Variants in GTF3C4 observed in about 807,000 individuals in gnomAD.
The protein encoded by GTF3C4 is general transcription factor IIIC subunit 4, also known as general transcription factor 3C polypeptide 4.
A neutral mutation model predicts 67.5 loss-of-function variants in GTF3C4; 28 were observed. The observed-to-expected ratio is 0.41, with a 90% CI of 0.31 to 0.57. The LOEUF (loss-of-function observed/expected upper bound fraction) is 0.57. GTF3C4 is among the 20% of genes least tolerant of loss of function. The pLI is 0.21. For synonymous variants in GTF3C4, 409 were observed against 393.0 expected, an observed-to-expected ratio of 1.04 and a Z score of -0.48; for missense variants, 831 against 1,033.2, an observed-to-expected ratio of 0.80 and a Z score of 2.68.
chr9:132,670,179 A>G, upstream of GTF3C4: 1 of 1,591,812 alleles, frequency 6.3e-7, no homozygotes, highest in Non-Finnish European at 8.6e-7. Flanking sequence ...GCCTGGCAAA[A>G]TTACATTCGG....
intron 2 of GTF3C4, among the ~76,000 whole-genome samples, chr9:132,680,980 C>T (rs527722393): frequency 4.5e-4 from 69 of 152,184 alleles, no homozygotes; most frequent in African/African-American, 1.5e-3. Context: ...TGGTGGCGGG[C>T]GCCTGTAATC....
In GTF3C4 at chr9:132,678,170, C is replaced by T; in HGVS notation, c.551C>T (p.Ala184Val). The T allele has an allele frequency of 6.2e-7, 1 of 1,614,218 alleles. No homozygotes were observed. Among genetic ancestry groups the T allele is most frequent in the Non-Finnish European group, 8.5e-7 (1 of 1,180,030 alleles). The change falls in exon 2 of 5, where the codon GCA (alanine) becomes GTA (valine). Residue 184 changes from alanine (A) to valine (V), a missense_variant. Ala to Val is a moderately conservative substitution (Grantham distance 64). This residue lies in a region of GTF3C4 where 390 missense variants were observed against 540.3 expected (regional missense o/e 0.72). Transcript: ENST00000372146. The surrounding 1 kb of genome is among the most constrained non-coding windows in gnomAD (Gnocchi z 6.5). Reference sequence around the variant, plus strand: ...GCTAATGGCAGGTGCCTCTTGGCAGCACTGACCATGGACAATCGCCTGACC... The same window carrying T: ...GCTAATGGCAGGTGCCTCTTGGCAGTACTGACCATGGACAATCGCCTGACC... The part of the protein sequence containing the change: ...CDANGRCLLA[A>V]LTMDNRLTIQ...
intron 1 of GTF3C4, 33 bp from the exon 2 acceptor site, chr9:132,677,944 T>C (rs766017706): frequency 6.5e-7 from 1 of 1,543,096 alleles, no homozygotes; most frequent in Non-Finnish European, 8.7e-7. Context: ...GAGTAAATGC[T>C]CATCTGATAG....
chr9:132,683,077 G>A (rs1835972673), intron 2 of GTF3C4, among the ~76,000 whole-genome samples: 1 of 152,200 alleles, frequency 6.6e-6, no homozygotes, highest in Admixed American at 6.5e-5. Context: ...TTGGCCATGG[G>A]TCTTTGGGCC....
rs150072883 is a variant in GTF3C4, at chr9:132,678,029, A to G, written c.410A>G (p.Lys137Arg). The G allele has an allele frequency of 1.9e-5, 31 of 1,613,756 alleles. No homozygotes were observed. In the African/African-American group the frequency reaches 3.6e-4, roughly 19 times the overall value. Residue 137 changes from lysine to arginine, a missense_variant, in exon 2 of 5, where the codon AAG becomes AGG. By Grantham distance (26) the Lys-to-Arg change is conservative. Around this residue, in one of 4 missense-constraint regions of GTF3C4, gnomAD observed 237 missense variants for 212.7 expected, o/e 1.11. Coordinates refer to ENST00000372146, the MANE Select transcript of GTF3C4 (RefSeq NM_012204.4). The surrounding 1 kb of genome is among the most constrained non-coding windows in gnomAD (Gnocchi z 6.5). ...AECKEKFAAS[K>R]DPTVSQTFML... ...TGCAAGGAGAAATTCGCCGCCTCCA[A>G]GGACCCCACGGTCAGTCAGACTTTC...
At chr9:132,674,094 C>T (rs1391851395) in intron 1 of GTF3C4, among the ~76,000 whole-genome samples, 1 of 152,188 alleles carries the variant, frequency 6.6e-6, no homozygotes, top group South Asian at 2.1e-4. Flanking sequence ...TACCTGTCCT[C>T]AAGAAGCTTA....
At chr9:132,686,829 A>G (rs1836037286) in intron 3 of GTF3C4, among the ~76,000 whole-genome samples, 1 of 152,204 alleles carries the variant, frequency 6.6e-6, no homozygotes, top group South Asian at 2.1e-4. Context: ...TGAGCTCAGG[A>G]GTTCAAGGTT....
At chr9:132,680,213 A>C (rs1055882126) in intron 2 of GTF3C4, among the ~76,000 whole-genome samples, 11 of 152,234 alleles carry the variant, frequency 7.2e-5, no homozygotes, top group African/African-American at 2.7e-4. Context: ...GATAGAACTT[A>C]AGGATATCTT....
chr9:132,679,420 C>T lies in GTF3C4; in HGVS notation c.1801C>T (p.His601Tyr). 6.2e-7 allele frequency: 1 copy of T among 1,614,120 alleles called. No individual in the cohort carries two copies. The highest frequency in any genetic ancestry group is 1.1e-5 in the South Asian group (1 of 91,084). The change falls in exon 2 of 5, where the codon CAT (histidine) becomes TAT (tyrosine). Residue 601 changes from histidine to tyrosine, a missense_variant. This residue lies in a region of GTF3C4 where 75 missense variants were observed against 66.4 expected (regional missense o/e 1.13). Coordinates refer to ENST00000372146, the MANE Select transcript of GTF3C4 (RefSeq NM_012204.4). The surrounding 1 kb of genome is among the most constrained non-coding windows in gnomAD (Gnocchi z 5.9). The stretch of plus-strand genomic sequence containing the variant: ...TTCAGAAGCCTTGTGGAAACCCACC[C>T]ATGAGGACTCAAAAATCTTACTAGT... Reference protein sequence around the residue: ...TPSEALWKPTHEDSKILLVDS... With the variant: ...TPSEALWKPTYEDSKILLVDS...
intron 1 of GTF3C4, among the ~76,000 whole-genome samples, chr9:132,671,212 T>C (rs1835743222): frequency 6.6e-6 from 1 of 151,812 alleles, no homozygotes; most frequent in African/African-American, 2.4e-5. Context: ...CTTCCCGGAG[T>C]TGAGTCCCAG....
At chr9:132,676,649 C>T (rs759523750) in intron 1 of GTF3C4, among the ~76,000 whole-genome samples, 16 of 152,020 alleles carry the variant, frequency 1.1e-4, no homozygotes, top group Non-Finnish European at 1.9e-4. Context: ...CTCTTTGTTG[C>T]ACTCTGATTT....
At chr9:132,670,176 A>C (rs1835659537), upstream of GTF3C4, 8 of 1,593,266 alleles carry the variant, frequency 5.0e-6, no homozygotes, top group Admixed American at 1.7e-5. Context: ...GCGGCCTGGC[A>C]AAATTACATT....
At chr9:132,681,670 TAA>T (rs1835946966) in intron 2 of GTF3C4, among the ~76,000 whole-genome samples, 1 of 152,208 alleles carries the variant, frequency 6.6e-6, no homozygotes, top group Non-Finnish European at 1.5e-5. Flanking sequence ...GTTTTATACG[TAA>T]AAGTAAGAAC....
At chr9:132,682,476 A>G (rs1835960635) in intron 2 of GTF3C4, among the ~76,000 whole-genome samples, 1 of 151,804 alleles carries the variant, frequency 6.6e-6, no homozygotes, top group African/African-American at 2.4e-5. Flanking sequence ...GTAAGAGAAG[A>G]CAACTCTTGA....
At chr9:132,673,208 CA>C (rs1835813898) in intron 1 of GTF3C4, among the ~76,000 whole-genome samples, 1 of 151,970 alleles carries the variant, frequency 6.6e-6, no homozygotes. Context: ...AAATATAATG[CA>C]GTTATACAGG....
Position 132,687,333 on chromosome 9 carries a change from T to C in GTF3C4, c.2404+6T>C. ...CCGGCATCCAGCTCCAGAAGGTGAG[T>C]GCTTTCCCTTACTTGGGAGGGTGGG... On this transcript the variant is annotated splice_donor_region_variant and intron_variant, in intron 4 of 4. Transcript: ENST00000372146. 1 of 943,068 alleles carries C rather than the reference T, an allele frequency of 1.1e-6. No individual in the cohort carries two copies. The highest frequency in any genetic ancestry group is 1.3e-5 in the South Asian group (1 of 78,642). The allele number at this position is 943,068 out of a possible 1,614,324, so 58.4% of individuals were successfully genotyped here.
chr9:132,675,566 T>G (rs1169554485), intron 1 of GTF3C4, among the ~76,000 whole-genome samples: 1 of 152,126 alleles, frequency 6.6e-6, no homozygotes, highest in African/African-American at 2.4e-5. Context: ...AAAAAAAGGC[T>G]CTGTTGTTTA....
At chr9:132,682,366 G>A (rs941662038) in intron 2 of GTF3C4, among the ~76,000 whole-genome samples, 12 of 151,998 alleles carry the variant, frequency 7.9e-5, no homozygotes, top group African/African-American at 2.9e-4. Flanking sequence ...CCTTTGAAAC[G>A]TAAGTGAACT....
At position 132,679,292 on chromosome 9, in the gene GTF3C4, A is replaced by G. The variant is rs749147104; in HGVS notation, c.1673A>G (p.Gln558Arg). The change falls in exon 2 of 5, where the codon CAA (glutamine) becomes CGA (arginine). Residue 558 changes from glutamine to arginine, a missense_variant. Transcript: ENST00000372146. This position sits in a 1 kb window ranked among gnomAD's most constrained non-coding sequence, Gnocchi z 5.9. ...LKDKHIPQFL[Q>R]EALEKKIESS... ...GATAAACATATCCCTCAATTTTTAC[A>G]AGAAGCTTTGGAAAAAAAGATTGAA... 1 of 1,613,922 alleles carries G rather than the reference A, an allele frequency of 6.2e-7. No individual in the cohort carries two copies. Among genetic ancestry groups the G allele is most frequent in the Non-Finnish European group, 8.5e-7 (1 of 1,179,970 alleles).
Sources: gnomAD v4.1 joint callset for allele counts (sites outside exome capture counted in the v4.1 genomes callset) on GRCh38, gnomAD v4.1.1 for gene constraint, gnomAD v4.1.1 regional missense constraint, Gnocchi (gnomAD v3.1) non-coding constraint, MANE v1.5 for transcripts, NCBI Gene and HGNC (gene_info 2026-07-23, HGNC 2026-07-21) for gene names.